Variants in TRERF1 observed in about 807,000 individuals in gnomAD.
TRERF1 encodes the protein transcriptional regulating factor 1.
In TRERF1, 27 loss-of-function variants were observed where a neutral mutation model predicts 122.9. The observed-to-expected ratio is 0.22, with a 90% CI of 0.16 to 0.30. The LOEUF is 0.30. Ranked by LOEUF, TRERF1 falls within the 10% of genes least tolerant of loss-of-function variation. TRERF1 has a pLI of 1.00. For missense variants in TRERF1, 1,248 were observed against 1,560.3 expected, an observed-to-expected ratio of 0.80 and a Z score of 3.37; for synonymous variants, 636 against 641.7, an observed-to-expected ratio of 0.99 and a Z score of 0.13.
At position 42,232,766 on chromosome 6, in the gene TRERF1, A is replaced by C. The variant is rs555079688; in HGVS notation, c.3193T>G (p.Cys1065Gly). The C allele has an allele frequency of 6.2e-7, 1 of 1,613,068 alleles. No homozygotes were observed. The highest frequency in any genetic ancestry group is 2.2e-5 in the East Asian group (1 of 44,846). Residue 1065 changes from cysteine (C) to glycine (G), a missense_variant, in exon 17 of 18, where the codon TGT becomes GGT. Coordinates refer to ENST00000372922, the Ensembl canonical transcript of TRERF1. This position sits in a 1 kb window ranked among gnomAD's most constrained non-coding sequence, Gnocchi z 4.5. ...TGAGAGGGTGAGCTCTTTACCGAAC[A>C]GTACCCACTCTGGGTGCCACCAGGC...
At chr6:42,360,373 A>G (rs1771481537) in intron 3 of TRERF1, among the ~76,000 whole-genome samples, 1 of 152,262 alleles carries the variant, frequency 6.6e-6, no homozygotes, top group South Asian at 2.1e-4. Flanking sequence ...ACGGGATTTC[A>G]GAAGATATAT....
At chr6:42,389,257 C>T (rs1049521152) in intron 2 of TRERF1, among the ~76,000 whole-genome samples, 3 of 152,188 alleles carry the variant, frequency 2.0e-5, no homozygotes, top group African/African-American at 2.4e-5. Context: ...GCCAGTCTGC[C>T]TATCTATCAG....
At chr6:42,402,390 T>C (rs1562141011) in intron 2 of TRERF1, among the ~76,000 whole-genome samples, 1 of 152,134 alleles carries the variant, frequency 6.6e-6, no homozygotes, top group Non-Finnish European at 1.5e-5. Context: ...GTTTGTTCCA[T>C]CCACATGAAA....
At chr6:42,428,315 GCAGACTTGATTATT>G (rs1166403912) in intron 2 of TRERF1, among the ~76,000 whole-genome samples, 1 of 152,204 alleles carries the variant, frequency 6.6e-6, no homozygotes, top group Non-Finnish European at 1.5e-5. Context: ...TTTTAGTTCT[GCAGACTTGATTATT>G]CAGAGGCTGA....
At chr6:42,241,055 G>T (rs2149575489) in intron 15 of TRERF1, among the ~76,000 whole-genome samples, 1 of 152,210 alleles carries the variant, frequency 6.6e-6, no homozygotes, top group Admixed American at 6.5e-5. Context: ...ACCACGTCCA[G>T]TTAATTTTTT....
At chr6:42,333,908 T>C (rs900032494) in intron 3 of TRERF1, among the ~76,000 whole-genome samples, 1 of 152,034 alleles carries the variant, frequency 6.6e-6, no homozygotes, top group African/African-American at 2.4e-5. Context: ...ATTTCAAGGA[T>C]GCAGCAAAGA....
At chr6:42,237,288 G>A (rs564371556) in intron 15 of TRERF1, among the ~76,000 whole-genome samples, 2 of 152,242 alleles carry the variant, frequency 1.3e-5, no homozygotes, top group African/African-American at 4.8e-5. Flanking sequence ...TGGGTGCCCT[G>A]GGTGTGCTGG....
chr6:42,430,828 G>A (rs1256383496), intron 2 of TRERF1, among the ~76,000 whole-genome samples: 6 of 151,856 alleles, frequency 4.0e-5, no homozygotes, highest in South Asian at 2.1e-4. Context: ...CCCAGGAGGC[G>A]GAGGTTGCAG....
chr6:42,257,244 A>C, intron 10 of TRERF1, 142 bp from the exon 11 acceptor site: 1 of 1,034,974 alleles, frequency 9.7e-7, no homozygotes, highest in Non-Finnish European at 1.4e-6. Context: ...TGTGACCCTA[A>C]GATTCCACAC....
intron 4 of TRERF1, among the ~76,000 whole-genome samples, chr6:42,297,012 T>C (rs1785219447): frequency 2.0e-5 from 3 of 152,212 alleles, no homozygotes; most frequent in Admixed American, 2.0e-4. Context: ...ACTCATATTC[T>C]TTGTGGGACT....
intron 15 of TRERF1, among the ~76,000 whole-genome samples, chr6:42,240,063 C>T (rs1773304415): frequency 1.3e-5 from 2 of 152,124 alleles, no homozygotes; most frequent in South Asian, 2.1e-4. Flanking sequence ...GGTCTCCCTA[C>T]CCATCTTCGA....
At chr6:42,226,618 A>T (rs546444389) in exon 18 of TRERF1, 2 of 151,782 alleles carry the variant, frequency 1.3e-5, no homozygotes, top group East Asian at 3.9e-4. Flanking sequence ...AAAGAATTTT[A>T]TTTTTTTTTC....
chr6:42,408,369 A>T (rs1487127943), intron 2 of TRERF1, among the ~76,000 whole-genome samples: 1 of 85,062 alleles, frequency 1.2e-5, no homozygotes, highest in Non-Finnish European at 2.4e-5. Context: ...ATATATATAT[A>T]TATCTTTTTT....
intron 2 of TRERF1, among the ~76,000 whole-genome samples, chr6:42,419,864 CG>C (rs1161407041): frequency 1.3e-5 from 2 of 152,140 alleles, no homozygotes; most frequent in East Asian, 3.9e-4. Context: ...CCAATGGCCA[CG>C]GGTGGGTAAC....
At chr6:42,266,067 T>C (rs977924600) in intron 5 of TRERF1, among the ~76,000 whole-genome samples, 62 of 152,186 alleles carry the variant, frequency 4.1e-4, no homozygotes, top group African/African-American at 1.5e-3. Flanking sequence ...TCCCCCACCG[T>C]GTTTTTTCCT....
intron 3 of TRERF1, among the ~76,000 whole-genome samples, chr6:42,353,968 A>C (rs1770008207): frequency 6.6e-6 from 1 of 152,224 alleles, no homozygotes; most frequent in Non-Finnish European, 1.5e-5. Context: ...GTATTACTTT[A>C]ATTTTTTTAT....
At chr6:42,395,289 C>T (rs939837004) in intron 2 of TRERF1, among the ~76,000 whole-genome samples, 3 of 152,232 alleles carry the variant, frequency 2.0e-5, no homozygotes, top group African/African-American at 7.2e-5. Context: ...CACCTCCCAA[C>T]ACCCAGAAAA....
chr6:42,356,695 C>T (rs1403210415), intron 3 of TRERF1, among the ~76,000 whole-genome samples: 3 of 152,174 alleles, frequency 2.0e-5, no homozygotes, highest in African/African-American at 7.2e-5. Context: ...TTGCCTCAGC[C>T]TCCCGAGTAG....
At chr6:42,418,258 CTT>C (rs1384299239) in intron 2 of TRERF1, among the ~76,000 whole-genome samples, 4 of 8,852 alleles carry the variant, frequency 4.5e-4, no homozygotes, top group Non-Finnish European at 9.9e-4. Context: ...TTTGCTCTTT[CTT>C]TCTTTCTTTT....
Sources: gnomAD v4.1 joint callset for allele counts (sites outside exome capture counted in the v4.1 genomes callset) on GRCh38, gnomAD v4.1.1 for gene constraint, Gnocchi (gnomAD v3.1) non-coding constraint, MANE v1.5 for transcripts, NCBI Gene and HGNC (gene_info 2026-07-23, HGNC 2026-07-21) for gene names.